The following L3HYPDH variants were observed in gnomAD, a reference collection of about 807,000 sequenced individuals.
The protein encoded by L3HYPDH is trans-L-3-hydroxyproline dehydratase, also known as trans-3-hydroxy-L-proline dehydratase.
L3HYPDH carries 32 observed loss-of-function variants against 26.5 expected under a neutral mutation model. The observed-to-expected ratio is 1.21, with a 90% CI of 0.91 to 1.62. The LOEUF is 1.62. Ranked by LOEUF, L3HYPDH falls within the 40% of genes most tolerant of loss-of-function variation. L3HYPDH has a pLI of 0.00. For missense variants in L3HYPDH, 554 were observed against 476.4 expected (o/e 1.16, Z -1.52); for synonymous variants, 215 against 196.6 (o/e 1.09, Z -0.78).
chr14:59,489,570 A>G, the L3HYPDH span, among the ~76,000 whole-genome samples: 1 of 151,990 alleles, frequency 6.6e-6, no homozygotes, highest in South Asian at 2.1e-4. Flanking sequence ...ACCTCCAAAC[A>G]CTTTCAGCCT....
Position 59,483,952 on chromosome 14 carries a change from G to C in L3HYPDH, c.365C>G (p.Pro122Arg). 8 of 1,560,230 alleles carry C rather than the reference G, an allele frequency of 5.1e-6. No homozygotes were observed. Among genetic ancestry groups the C allele is most frequent in the Non-Finnish European group, 6.9e-6 (8 of 1,158,584 alleles). Reference protein sequence around the residue: ...GRFALDFGLVPAPPAGTREAR... With the variant: ...GRFALDFGLVRAPPAGTREAR... ...CTCGCGGGTGCCCGCAGGGGGCGCC[G>C]GCACAAGCCCGAAGTCCAAAGCGAA... is the stretch of plus-strand genomic sequence containing the variant. Residue 122 changes from proline to arginine, a missense_variant, in exon 1 of 5, where the codon CCG becomes CGG. By Grantham distance (103) the Pro-to-Arg change is moderately radical (BLOSUM62 -2). Coordinates refer to ENST00000247194, the MANE Select transcript of L3HYPDH (RefSeq NM_144581.2).
At chr14:59,486,649 A>C, upstream of L3HYPDH, 1 of 1,115,702 alleles carries the variant, frequency 9.0e-7, no homozygotes, top group Non-Finnish European at 1.3e-6. Context: ...TGCTTCAGCT[A>C]TTATTGCAAT....
the L3HYPDH span, chr14:59,503,782 A>G: frequency 1.2e-6 from 1 of 859,886 alleles, no homozygotes; most frequent in African/African-American, 1.7e-5. Flanking sequence ...ATATTAAGTT[A>G]TATTAAATTA....
chr14:59,475,398 T>G (rs571352653), intron 4 of L3HYPDH, among the ~76,000 whole-genome samples: 1 of 152,196 alleles, frequency 6.6e-6, no homozygotes, highest in African/African-American at 2.4e-5. Flanking sequence ...CATTAACATA[T>G]GAATAACACA....
At chr14:59,491,531 T>C in the L3HYPDH span, among the ~76,000 whole-genome samples, 1 of 152,228 alleles carries the variant, frequency 6.6e-6, no homozygotes, top group African/African-American at 2.4e-5. Context: ...TGTCAAATTA[T>C]GTAATGTGAA....
chr14:59,491,943 T>C, the L3HYPDH span, among the ~76,000 whole-genome samples: 2 of 152,224 alleles, frequency 1.3e-5, no homozygotes, highest in African/African-American at 4.8e-5. Context: ...GCCTCTTTGC[T>C]GGAAAGCTTC....
chr14:59,487,643 G>A (rs757012056), upstream of L3HYPDH: 4 of 1,548,662 alleles, frequency 2.6e-6, no homozygotes, highest in Admixed American at 1.7e-5. Context: ...AATAATATCT[G>A]TACACAAAAT....
At chr14:59,469,535 G>A (rs1046123865), downstream of L3HYPDH, among the ~76,000 whole-genome samples, 10 of 127,676 alleles carry the variant, frequency 7.8e-5, no homozygotes, top group Admixed American at 2.9e-4. Context: ...TCGCCCTGGC[G>A]ACAGAGTGAG....
At chr14:59,473,368 TG>T (rs1889402006) in intron 4 of L3HYPDH, among the ~76,000 whole-genome samples, 1 of 152,164 alleles carries the variant, frequency 6.6e-6, no homozygotes, top group South Asian at 2.1e-4. Flanking sequence ...AGAGTCACTA[TG>T]GGAGTTTTCA....
At chr14:59,468,830 C>T (rs1889250916), downstream of L3HYPDH, among the ~76,000 whole-genome samples, 1 of 151,990 alleles carries the variant, frequency 6.6e-6, no homozygotes, top group Non-Finnish European at 1.5e-5. Flanking sequence ...TCTAACAGTC[C>T]AGGTGAAAAG....
chr14:59,483,459 G>C, intron 1 of L3HYPDH: 1 of 1,164,604 alleles, frequency 8.6e-7, no homozygotes, highest in African/African-American at 1.6e-5. Context: ...TACATTGGCT[G>C]TTCTTCGCTC....
chr14:59,484,652 C>A, upstream of L3HYPDH: 1 of 1,549,602 alleles, frequency 6.5e-7, no homozygotes, highest in Non-Finnish European at 8.8e-7. Flanking sequence ...CTTTCCTACA[C>A]GGCTGGCCTC....
intron 1 of L3HYPDH, among the ~76,000 whole-genome samples, chr14:59,465,568 T>A (rs1889141708): frequency 6.6e-6 from 1 of 152,222 alleles, no homozygotes; most frequent in Non-Finnish European, 1.5e-5. Context: ...CCAGATAAAG[T>A]GCCGACTGGC....
At chr14:59,498,626 C>A in the L3HYPDH span, 3 of 681,288 alleles carry the variant, frequency 4.4e-6, no homozygotes, top group South Asian at 2.3e-5. Flanking sequence ...AGTAAATATG[C>A]TTTTTAAACC....
At chr14:59,483,692 T>A (rs746316612) in intron 1 of L3HYPDH, 117 bp downstream of exon 1, 4 of 1,476,354 alleles carry the variant, frequency 2.7e-6, no homozygotes, top group Non-Finnish European at 3.6e-6. Context: ...TTCTATTAAT[T>A]GCAAGGTTTC....
chr14:59,485,015 A>G (rs1890419831), upstream of L3HYPDH: 2 of 1,597,322 alleles, frequency 1.3e-6, no homozygotes, highest in Non-Finnish European at 1.7e-6. Context: ...CACAAAGGGC[A>G]GGACCGCTGC....
At chr14:59,503,234 G>GTTTTA in the L3HYPDH span, among the ~76,000 whole-genome samples, 1 of 152,146 alleles carries the variant, frequency 6.6e-6, no homozygotes. Context: ...TTGATGAGCT[G>GTTTTA]TTTAATAAGA....
At chr14:59,488,557 G>A (rs1485001106), upstream of L3HYPDH, among the ~76,000 whole-genome samples, 1 of 152,186 alleles carries the variant, frequency 6.6e-6, no homozygotes, top group East Asian at 1.9e-4. Flanking sequence ...GAAGTAATCT[G>A]GGGTAGTCAA....
At chr14:59,483,189 G>A (rs1172979407) in intron 1 of L3HYPDH, among the ~76,000 whole-genome samples, 2 of 152,172 alleles carry the variant, frequency 1.3e-5, no homozygotes, top group Non-Finnish European at 2.9e-5. Flanking sequence ...AAGAAACACA[G>A]GCACAGAGAG....
Sources: gnomAD v4.1 joint callset for allele counts (sites outside exome capture counted in the v4.1 genomes callset) on GRCh38, gnomAD v4.1.1 for gene constraint, MANE v1.5 for transcripts, NCBI Gene and HGNC (gene_info 2026-07-23, HGNC 2026-07-21) for gene names.